Variants in TTK observed in about 807,000 individuals in gnomAD.
TTK encodes the protein dual specificity protein kinase TTK.
TTK carries 59 observed loss-of-function variants against 117.3 expected under a neutral mutation model. That is an observed-to-expected ratio of 0.50 (90% CI 0.41 to 0.62). TTK has a LOEUF of 0.62. TTK is among the 20% of genes least tolerant of loss of function. The pLI, the probability that TTK is intolerant of heterozygous loss-of-function variation, is 0.00. For missense variants in TTK, 921 were observed against 989.4 expected, an observed-to-expected ratio of 0.93 and a Z score of 0.93; for synonymous variants, 302 against 325.0, an observed-to-expected ratio of 0.93 and a Z score of 0.76.
chr6:80,018,174 C>A (rs1320702063), intron 10 of TTK, among the ~76,000 whole-genome samples: 3 of 149,432 alleles, frequency 2.0e-5, no homozygotes, highest in African/African-American at 5.1e-5. Flanking sequence ...CAGAAGAAGA[C>A]CTTGTCTCAA....
Position 80,035,318 on chromosome 6 carries a change from C to G in TTK, c.1825C>G (p.Leu609Val), listed in dbSNP as rs540538876. ...GGTAATGGAGTGTGGAAATATTGAT[C>G]TTAATAGTTGGCTTAAAAAGAAAAA... The part of the protein sequence containing the change: ...YMVMECGNID[L>V]NSWLKKKKSI... The change falls in exon 16 of 22, where the codon CTT becomes GTT. Residue 609 changes from leucine (L) to valine (V), a missense_variant. Transcript: ENST00000369798. The G allele has an allele frequency of 3.1e-6, 5 of 1,611,862 alleles. No homozygotes were observed. The highest frequency in any genetic ancestry group is 4.2e-6 in the Non-Finnish European group (5 of 1,179,100).
At chr6:80,030,873 C>T (rs1767740241) in intron 13 of TTK, among the ~76,000 whole-genome samples, 1 of 151,792 alleles carries the variant, frequency 6.6e-6, no homozygotes, top group Non-Finnish European at 1.5e-5. Flanking sequence ...TAATATAACG[C>T]TAAATGAGAA....
intron 14 of TTK, among the ~76,000 whole-genome samples, chr6:80,033,325 C>A (rs1025137560): frequency 6.6e-6 from 1 of 152,150 alleles, no homozygotes; most frequent in Non-Finnish European, 1.5e-5. Context: ...CTCAGTTAGG[C>A]CTTCCTTGCC....
At chr6:80,023,561 C>G (rs1356738699) in intron 11 of TTK, among the ~76,000 whole-genome samples, 1 of 152,030 alleles carries the variant, frequency 6.6e-6, no homozygotes, top group Admixed American at 6.6e-5. Context: ...CCACTGCACT[C>G]CGGCCTGGGT....
At chr6:80,030,658 T>A (rs193191514) in intron 13 of TTK, among the ~76,000 whole-genome samples, 15 of 151,972 alleles carry the variant, frequency 9.9e-5, no homozygotes, top group African/African-American at 2.9e-4. Context: ...AATGACCAGA[T>A]CTCTTGAGAA....
chr6:80,014,400 C>A, intron 9 of TTK, 63 bp from the exon 10 acceptor site: 1 of 1,460,472 alleles, frequency 6.8e-7, no homozygotes, highest in Non-Finnish European at 9.2e-7. Context: ...GTATATTGAA[C>A]AGTAAGACAG....
chr6:80,022,445 G>A lies in TTK; in HGVS notation c.1230G>A (p.Pro410=), dbSNP rs16891423. The change falls in exon 11 of 22, where the codon CCG becomes CCA. Residue 410 remains proline, a synonymous_variant. Coordinates refer to ENST00000369798, the MANE Select transcript of TTK (RefSeq NM_003318.5). ...CATCTTCAAATCACTGGCAGATTCC[G>A]GAGTTAGCCCGAAAAGTTAATACAG... The part of the protein sequence containing the change: ...PAASSNHWQI[P]ELARKVNTEQ... 3,274 of 1,613,714 alleles carry A rather than the reference G, an allele frequency of 2.0e-3. 55 individuals are homozygous for A. In the African/African-American group the frequency reaches 0.037, roughly 18 times the overall value.
intron 21 of TTK, among the ~76,000 whole-genome samples, chr6:80,041,448 A>G (rs1425188555): frequency 6.6e-6 from 1 of 151,704 alleles, no homozygotes; most frequent in Non-Finnish European, 1.5e-5. Context: ...CTCAAATGCT[A>G]ATGGCTAAAT....
intron 4 of TTK, 32 bp from the exon 5 acceptor site, chr6:80,010,782 C>G (rs764116000): frequency 7.7e-7 from 1 of 1,293,158 alleles, no homozygotes; most frequent in East Asian, 2.7e-5. Flanking sequence ...ATTTTACTGC[C>G]TAAAAATGAC....
rs759469255 is a variant in TTK at position 80,011,973 on chromosome 6, A to T, written c.889A>T (p.Met297Leu). 7.5e-6 allele frequency: 12 copies of T among 1,605,604 alleles called. No homozygotes were observed. The highest frequency in any genetic ancestry group is 9.3e-6 in the Non-Finnish European group (11 of 1,177,516). The change falls in exon 8 of 22, where the codon ATG becomes TTG. Residue 297 changes from methionine to leucine, a missense_variant. Physicochemically the swap from Met to Leu is conservative, Grantham distance 15 (BLOSUM62 2). Transcript: ENST00000369798. ...AGATGATTCAGTTGTACCTTGTTTTATGAAAAGGTATGTTGAGTTTTAATT... is the reference window on the plus strand; with the variant it reads ...AGATGATTCAGTTGTACCTTGTTTTTTGAAAAGGTATGTTGAGTTTTAATT... ...KTDDSVVPCFMKRQTSRSECR... is the reference protein window; with the variant it reads ...KTDDSVVPCFLKRQTSRSECR...
At chr6:80,027,420 G>T (rs894983773) in intron 12 of TTK, among the ~76,000 whole-genome samples, 2 of 152,136 alleles carry the variant, frequency 1.3e-5, no homozygotes, top group Non-Finnish European at 2.9e-5. Context: ...TCTAGGTGTT[G>T]AGGATATATT....
Position 80,022,343 on chromosome 6 carries a change from A to AC in TTK, c.1130dup (p.Glu378ArgfsTer6). The AC allele has an allele frequency of 8.7e-6, 14 of 1,612,536 alleles. No individual in the cohort carries two copies. Among genetic ancestry groups the AC allele is most frequent in the Non-Finnish European group, 1.2e-5 (14 of 1,179,684 alleles). ...TTTCAGAAACTAAAGAGTATCAAGA[A>AC]CCAGAGGTTCCAGAGAGTAACCAGA... On this transcript the variant is annotated frameshift_variant, in exon 11 of 22. Transcript: ENST00000369798. LOFTEE classifies it high-confidence loss of function.
chr6:80,007,939 T>C lies in TTK; in HGVS notation c.270T>C (p.Arg90=), dbSNP rs1767039584. The change falls in exon 3 of 22, where the codon CGT becomes CGC. Residue 90 remains arginine (R), a synonymous_variant. Transcript: ENST00000369798. The part of the protein sequence containing the change: ...SDALLNKLIG[R]YSQAIEALPP... ...CTCTTTTAAATAAATTGATTGGTCGTTACAGTCAAGCAATTGAAGCGCTTC... is the reference window on the plus strand; with the variant it reads ...CTCTTTTAAATAAATTGATTGGTCGCTACAGTCAAGCAATTGAAGCGCTTC... 2.6e-5 allele frequency: 42 copies of C among 1,613,618 alleles called. No homozygotes were observed. Among genetic ancestry groups the C allele is most frequent in the Non-Finnish European group, 3.6e-5 (42 of 1,179,674 alleles).
At position 80,042,291 on chromosome 6, in the gene TTK, A is replaced by G. The variant is rs1768071510; in HGVS notation, c.*89A>G. The G allele has an allele frequency of 1.9e-6, 2 of 1,058,232 alleles. No homozygotes were observed. Among genetic ancestry groups the G allele is most frequent in the African/African-American group, 1.6e-5 (1 of 62,866 alleles). The allele number at this position is 1,058,232 out of a possible 1,614,324, so 65.6% of individuals were successfully genotyped here. A position where few individuals can be genotyped will look rare whatever the true frequency, so the allele number is the denominator to read the frequency against. Reference sequence around the variant, plus strand: ...TCCCTGTGGAAATCTACATTTGAAGACAACATCACTCTGAAGTGTTATCAG... The same window carrying G: ...TCCCTGTGGAAATCTACATTTGAAGGCAACATCACTCTGAAGTGTTATCAG... On this transcript the variant is annotated 3_prime_UTR_variant, in exon 22 of 22. Transcript: ENST00000369798.
chr6:80,031,576 A>G lies in TTK; in HGVS notation c.1614+17A>G. On this transcript the variant is annotated intron_variant, in intron 14 of 21. Transcript: ENST00000369798. ...TCAAGCAAGGTAAGTATCTTAAAAT[A>G]TTTACGAAATAAATAAAAATATTTT... 6.2e-6 allele frequency: 9 copies of G among 1,446,198 alleles called. No individual in the cohort carries two copies. Among genetic ancestry groups the G allele is most frequent in the Non-Finnish European group, 8.3e-6 (9 of 1,086,712 alleles). The allele number at this position is 1,446,198 out of a possible 1,614,324, so 89.6% of individuals were successfully genotyped here.
intron 8 of TTK, 58 bp from the exon 9 acceptor site, chr6:80,013,221 A>T: frequency 7.1e-7 from 1 of 1,415,210 alleles, no homozygotes. Context: ...GAAAAAATAC[A>T]TTGAAAATTT....
chr6:80,036,576 A>G lies in TTK; in HGVS notation c.2026A>G (p.Thr676Ala). 6.2e-7 allele frequency: 1 copy of G among 1,610,330 alleles called. No homozygotes were observed. The highest frequency in any genetic ancestry group is 8.5e-7 in the Non-Finnish European group (1 of 1,178,336). ...TGCAAACCAAATGCAACCAGATACA[A>G]CAAGTGTTGTTAAAGATTCTCAGGT... is the stretch of plus-strand genomic sequence containing the variant. ...GIANQMQPDT[T>A]SVVKDSQVGT... Residue 676 changes from threonine to alanine, a missense_variant, in exon 17 of 22, where the codon ACA (threonine) becomes GCA (alanine). Thr to Ala is a moderately conservative substitution (Grantham distance 58). Transcript: ENST00000369798.
chr6:80,036,641 T>A, intron 17 of TTK, 42 bp downstream of exon 17: 1 of 1,543,386 alleles, frequency 6.5e-7, no homozygotes, highest in African/African-American at 1.4e-5. Flanking sequence ...AGTTCAATTC[T>A]TTTTTTACCT....
intron 13 of TTK, 101 bp from the exon 14 acceptor site, chr6:80,031,366 T>C: frequency 1.8e-6 from 1 of 546,242 alleles, no homozygotes; most frequent in South Asian, 6.6e-5. Flanking sequence ...CTAATTAAGA[T>C]TTAAGATAAT....
Sources: gnomAD v4.1 joint callset for allele counts (sites outside exome capture counted in the v4.1 genomes callset) on GRCh38, gnomAD v4.1.1 for gene constraint, MANE v1.5 for transcripts, NCBI Gene and HGNC (gene_info 2026-07-23, HGNC 2026-07-21) for gene names.